Variants in PARN observed in about 807,000 individuals in gnomAD.
PARN encodes poly(A)-specific ribonuclease PARN.
PARN carries 71 observed loss-of-function variants against 102.8 expected under a neutral mutation model. The observed-to-expected ratio is 0.69, with a 90% CI of 0.57 to 0.84. The LOEUF (loss-of-function observed/expected upper bound fraction) is 0.84. Ranked by LOEUF, PARN falls within the 40% of genes least tolerant of loss-of-function variation. PARN has a pLI of 0.00. For missense variants in PARN, 782 were observed against 760.9 expected (o/e 1.03, Z -0.33); for synonymous variants, 261 against 252.9 (o/e 1.03, Z -0.30).
At chr16:14,586,266 C>T (rs1045100006) in intron 14 of PARN, 52 bp downstream of exon 14, 22 of 1,099,392 alleles carry the variant, frequency 2.0e-5, no homozygotes, top group African/African-American at 4.7e-5. Flanking sequence ...TGTGAGCCAC[C>T]GTGCCCAGCC....
intron 22 of PARN, among the ~76,000 whole-genome samples, chr16:14,453,250 G>A (rs529068226): frequency 1.3e-5 from 2 of 152,296 alleles, no homozygotes; most frequent in Non-Finnish European, 2.9e-5. Context: ...ACTTTGATTA[G>A]TGTTTTGTTA....
At chr16:14,523,060 T>C (rs1173751318) in intron 21 of PARN, among the ~76,000 whole-genome samples, 1 of 152,098 alleles carries the variant, frequency 6.6e-6, no homozygotes, top group Non-Finnish European at 1.5e-5. Context: ...ATGAAAAAGA[T>C]GTATCAGGCA....
At chr16:14,625,354 G>T (rs1327571880) in intron 5 of PARN, among the ~76,000 whole-genome samples, 1 of 151,730 alleles carries the variant, frequency 6.6e-6, no homozygotes, top group Non-Finnish European at 1.5e-5. Context: ...AAAATTAGCT[G>T]AGCATCTTGG....
At chr16:14,505,349 C>G (rs1467189401) in intron 21 of PARN, among the ~76,000 whole-genome samples, 1 of 152,232 alleles carries the variant, frequency 6.6e-6, no homozygotes, top group African/African-American at 2.4e-5. Flanking sequence ...CAGTGGCGCA[C>G]GCCTGTAGTC....
At position 14,564,413 on chromosome 16, in the gene PARN, C is replaced by T. The variant is rs1226587484; in HGVS notation, c.1263-8704G>A. Among the ~76,000 whole-genome samples, 3 of 152,186 alleles carry T rather than the reference C, an allele frequency of 2.0e-5. No individual in the cohort carries two copies. In the South Asian group the frequency reaches 6.2e-4, roughly 32 times the overall value. On this transcript the variant is annotated intron_variant, in intron 18 of 23. Transcript: ENST00000437198. The stretch of plus-strand genomic sequence containing the variant: ...CGAATTTTCAAGGCAACAGGAACAA[C>T]ACGCAGTGAAGAGAGCCATGTGGCC...
chr16:14,547,106 AG>A (rs1244421389), intron 21 of PARN, among the ~76,000 whole-genome samples: 21 of 150,310 alleles, frequency 1.4e-4, no homozygotes, highest in Admixed American at 3.3e-4. Flanking sequence ...AAAAAAAAAA[AG>A]AAAAAAAAAG....
intron 18 of PARN, among the ~76,000 whole-genome samples, chr16:14,574,144 G>C (rs1216294592): frequency 6.6e-6 from 1 of 151,852 alleles, no homozygotes; most frequent in Non-Finnish European, 1.5e-5. Flanking sequence ...ATGAAATCAA[G>C]GCTGAGATGG....
intron 2 of PARN, 82 bp downstream of exon 2, chr16:14,629,515 T>A: frequency 9.9e-7 from 1 of 1,013,476 alleles, no homozygotes; most frequent in Non-Finnish European, 1.6e-6. Context: ...CCACCAAGCA[T>A]AAGAAGTTGG....
chr16:14,549,717 T>G, intron 21 of PARN, among the ~76,000 whole-genome samples: 1 of 152,212 alleles, frequency 6.6e-6, no homozygotes, highest in East Asian at 1.9e-4. Flanking sequence ...CAAAGCACTC[T>G]TACACACTGT....
At chr16:14,523,490 C>A (rs771552003) in intron 21 of PARN, among the ~76,000 whole-genome samples, 15 of 152,164 alleles carry the variant, frequency 9.9e-5, no homozygotes, top group Admixed American at 5.2e-4. Flanking sequence ...CAATGCAATA[C>A]AATCAGAAAA....
Position 14,531,778 on chromosome 16 carries a change from G to A in PARN, c.1480+20243C>T, listed in dbSNP as rs574975614. On this transcript the variant is annotated intron_variant, in intron 21 of 23. Coordinates refer to ENST00000437198, the MANE Select transcript of PARN (RefSeq NM_002582.4). ...CAGCTCTATTTGGTTGACCAACTTCGTACTCAATACTTGGAAATTCTTTCA... is the reference window on the plus strand; with the variant it reads ...CAGCTCTATTTGGTTGACCAACTTCATACTCAATACTTGGAAATTCTTTCA... Among the ~76,000 whole-genome samples the A allele has an allele frequency of 3.3e-5, 5 of 151,908 alleles. No individual in the cohort carries two copies. The South Asian group carries it at 6.2e-4, about 19-fold the overall frequency.
intron 21 of PARN, among the ~76,000 whole-genome samples, chr16:14,545,994 T>C (rs1334934045): frequency 6.6e-6 from 1 of 151,076 alleles, no homozygotes; most frequent in South Asian, 2.1e-4. Flanking sequence ...AAATAGACAA[T>C]ATCAAACAAT....
intron 21 of PARN, among the ~76,000 whole-genome samples, chr16:14,492,373 A>G (rs1360096125): frequency 6.6e-6 from 1 of 152,162 alleles, no homozygotes; most frequent in Non-Finnish European, 1.5e-5. Context: ...GCTTACAGAG[A>G]CACAGAGTGC....
intron 6 of PARN, among the ~76,000 whole-genome samples, chr16:14,615,702 A>T (rs2151804964): frequency 6.6e-6 from 1 of 152,242 alleles, no homozygotes; most frequent in Admixed American, 6.5e-5. Flanking sequence ...GGAGTTCAAG[A>T]CCAGCCCAGC....
intron 21 of PARN, among the ~76,000 whole-genome samples, chr16:14,521,971 G>GT (rs1965758066): frequency 6.6e-6 from 1 of 152,162 alleles, no homozygotes; most frequent in African/African-American, 2.4e-5. Flanking sequence ...GTAACATGCT[G>GT]TACAGGTGTG....
intron 6 of PARN, among the ~76,000 whole-genome samples, chr16:14,614,557 A>T: frequency 6.6e-6 from 1 of 152,138 alleles, no homozygotes; most frequent in Non-Finnish European, 1.5e-5. Context: ...TCCCGTACAA[A>T]AGAAAATTCA....
chr16:14,552,926 C>A (rs1041634359), intron 20 of PARN, among the ~76,000 whole-genome samples: 1 of 151,934 alleles, frequency 6.6e-6, no homozygotes, highest in East Asian at 1.9e-4. Context: ...CCAGCCTGGG[C>A]AACAAGAACG....
At chr16:14,451,864 AAATACAAAAAAAAAAAAAAAAAAAAAAAT>A (rs1382157346) in intron 22 of PARN, among the ~76,000 whole-genome samples, 9 of 77,706 alleles carry the variant, frequency 1.2e-4, no homozygotes, top group East Asian at 7.3e-4. Flanking sequence ...AAAAAAAAAA[AAATACAAAAAAAAAAAAAAAAAAAAAAAT>A]ACAAAAAATT....
chr16:14,570,815 C>CAAAAA (rs761919651), intron 18 of PARN, among the ~76,000 whole-genome samples: 2 of 38,736 alleles, frequency 5.2e-5, no homozygotes, highest in African/African-American at 1.7e-4. Flanking sequence ...CCCACCTCTA[C>CAAAAA]AAAAAAAAAA....
Sources: gnomAD v4.1 joint callset for allele counts (sites outside exome capture counted in the v4.1 genomes callset) on GRCh38, gnomAD v4.1.1 for gene constraint, MANE v1.5 for transcripts, NCBI Gene and HGNC (gene_info 2026-07-23, HGNC 2026-07-21) for gene names.